The following MAGI2 variants were observed in gnomAD, a reference collection of about 807,000 sequenced individuals.
MAGI2 encodes the protein membrane-associated guanylate kinase, WW and PDZ domain-containing protein 2.
MAGI2 carries 35 observed loss-of-function variants against 133.3 expected under a neutral mutation model. That is an observed-to-expected ratio of 0.26 (90% CI 0.20 to 0.35). The LOEUF (loss-of-function observed/expected upper bound fraction) is 0.35. Among genes scored for constraint, MAGI2 ranks in the 10% least tolerant of loss-of-function variants. The pLI is 1.00. For synonymous variants in MAGI2, 729 were observed against 710.6 expected, an observed-to-expected ratio of 1.03 and a Z score of -0.41; for missense variants, 1,636 against 1,863.4, an observed-to-expected ratio of 0.88 and a Z score of 2.25.
At chr7:79,242,957 C>G (rs143317731) in intron 1 of MAGI2, among the ~76,000 whole-genome samples, 4 of 152,242 alleles carry the variant, frequency 2.6e-5, no homozygotes, top group African/African-American at 9.6e-5. Flanking sequence ...TGGCTCACAT[C>G]TGTAATCCCA....
At chr7:78,144,701 ATTG>A (rs1369054778) in intron 16 of MAGI2, among the ~76,000 whole-genome samples, 2 of 152,068 alleles carry the variant, frequency 1.3e-5, no homozygotes, top group Non-Finnish European at 2.9e-5. Flanking sequence ...CATCGTGGGG[ATTG>A]TTGTTGCACT....
chr7:78,984,711 A>T (rs1412376258), intron 2 of MAGI2, among the ~76,000 whole-genome samples: 1 of 151,662 alleles, frequency 6.6e-6, no homozygotes. Flanking sequence ...ACACTACCCC[A>T]CCCACACACA....
At chr7:78,242,451 A>G (rs770406673) in intron 10 of MAGI2, among the ~76,000 whole-genome samples, 1 of 152,008 alleles carries the variant, frequency 6.6e-6, no homozygotes, top group Non-Finnish European at 1.5e-5. Context: ...TTCATGGTGT[A>G]TTTGTTAATA....
chr7:78,926,717 T>G (rs1799720481), intron 2 of MAGI2, among the ~76,000 whole-genome samples: 1 of 152,082 alleles, frequency 6.6e-6, no homozygotes, highest in Non-Finnish European at 1.5e-5. Flanking sequence ...AGAAATGAGT[T>G]AATGATTTAT....
rs570273498 is a variant in MAGI2, at chr7:78,853,169, G to A, written c.418+153921C>T. 9.9e-5 allele frequency among the ~76,000 whole-genome samples: 15 copies of A among 151,880 alleles called. No homozygotes were observed. In the East Asian group the frequency reaches 2.5e-3, roughly 26 times the overall value. On this transcript the variant is annotated intron_variant, in intron 2 of 21. Coordinates refer to ENST00000354212, the MANE Select transcript of MAGI2 (RefSeq NM_012301.4). ...GAACGGGCCAGGCACAGTGGCTCAT[G>A]CCTGTAATCCCAGCATTTTGTGGTT...
intron 10 of MAGI2, among the ~76,000 whole-genome samples, chr7:78,211,758 G>A (rs1409313943): frequency 6.6e-6 from 1 of 152,162 alleles, no homozygotes; most frequent in Non-Finnish European, 1.5e-5. Flanking sequence ...ACAATTTATT[G>A]CCACAACAGA....
intron 1 of MAGI2, among the ~76,000 whole-genome samples, chr7:79,266,236 ACCCCACCCCCAC>A (rs1008713138): frequency 2.5e-5 from 1 of 40,214 alleles, no homozygotes; most frequent in African/African-American, 9.4e-5. Context: ...CTCCCTGCCC[ACCCCACCCCCAC>A]CCCCACCCCC....
chr7:78,794,616 A>G (rs574980635), intron 2 of MAGI2, among the ~76,000 whole-genome samples: 160 of 150,120 alleles, frequency 1.1e-3, no homozygotes, highest in African/African-American at 3.9e-3. Flanking sequence ...AAAAAAAAAA[A>G]CAATCCAAAT....
intron 2 of MAGI2, among the ~76,000 whole-genome samples, chr7:78,761,995 C>T (rs142831605): frequency 0.015 from 2,328 of 152,126 alleles, 58 homozygotes; most frequent in African/African-American, 0.051. Context: ...GGACTCTATC[C>T]GGAATTAATT....
At chr7:78,120,980 G>C (rs1220578560) in intron 20 of MAGI2, among the ~76,000 whole-genome samples, 1 of 108,430 alleles carries the variant, frequency 9.2e-6, no homozygotes, top group African/African-American at 3.8e-5. Flanking sequence ...CAGCCTGGGC[G>C]ACAGAGCGAG....
At chr7:79,376,799 C>T (rs903262329) in intron 1 of MAGI2, among the ~76,000 whole-genome samples, 1 of 148,422 alleles carries the variant, frequency 6.7e-6, no homozygotes, top group South Asian at 2.1e-4. Context: ...AAAGTGAAAC[C>T]ACAGATAAGA....
chr7:78,593,636 GACTA>G (rs1205564272), intron 3 of MAGI2, among the ~76,000 whole-genome samples: 5 of 152,168 alleles, frequency 3.3e-5, no homozygotes, highest in African/African-American at 4.8e-5. Context: ...GTCTGAAAAT[GACTA>G]ACTCTTATTT....
chr7:79,144,942 A>G (rs1011291461), intron 1 of MAGI2, among the ~76,000 whole-genome samples: 4 of 152,142 alleles, frequency 2.6e-5, no homozygotes, highest in African/African-American at 9.7e-5. Context: ...TGCTGCTCCA[A>G]CTGTGGCTCT....
chr7:78,914,014 T>C (rs1230863218), intron 2 of MAGI2, among the ~76,000 whole-genome samples: 1 of 152,172 alleles, frequency 6.6e-6, no homozygotes, highest in Non-Finnish European at 1.5e-5. Flanking sequence ...ATATCACTTA[T>C]TCCAAGTATA....
intron 1 of MAGI2, among the ~76,000 whole-genome samples, chr7:79,237,002 G>C (rs1831972321): frequency 6.6e-6 from 1 of 152,092 alleles, no homozygotes; most frequent in Non-Finnish European, 1.5e-5. Flanking sequence ...CAACGAGTGT[G>C]CCACTGCACT....
At chr7:78,420,809 T>C (rs1798726061) in intron 6 of MAGI2, among the ~76,000 whole-genome samples, 1 of 152,194 alleles carries the variant, frequency 6.6e-6, no homozygotes, top group African/African-American at 2.4e-5. Context: ...GCCATGTAAT[T>C]TGAGTAACCA....
At chr7:78,684,757 A>G (rs1477339686) in intron 2 of MAGI2, among the ~76,000 whole-genome samples, 4 of 152,136 alleles carry the variant, frequency 2.6e-5, no homozygotes, top group Non-Finnish European at 5.9e-5. Flanking sequence ...TTTTCTCCCT[A>G]AAACTTTAAA....
intron 1 of MAGI2, among the ~76,000 whole-genome samples, chr7:79,446,277 T>C (rs1848844447): frequency 6.6e-6 from 1 of 152,068 alleles, no homozygotes; most frequent in African/African-American, 2.4e-5. Context: ...GTAACTAACC[T>C]GCACGTTGAG....
At chr7:78,553,103 A>AAC (rs1292954379) in intron 3 of MAGI2, among the ~76,000 whole-genome samples, 2 of 151,630 alleles carry the variant, frequency 1.3e-5, no homozygotes, top group African/African-American at 4.9e-5. Flanking sequence ...TTAAAAAAAA[A>AAC]AAAAACAAAC....
Sources: allele counts gnomAD v4.1 joint callset (sites outside exome capture counted in the v4.1 genomes callset), GRCh38; gene constraint gnomAD v4.1.1; transcripts MANE v1.5; gene names NCBI Gene and HGNC (gene_info 2026-07-23, HGNC 2026-07-21).